UBE2L3: variants seen among roughly 807,000 people sequenced by gnomAD.
UBE2L3 encodes the protein ubiquitin conjugating enzyme E2 L3.
UBE2L3 carries 1 observed loss-of-function variant against 17.8 expected under a neutral mutation model. The ratio of observed to expected loss-of-function variants is 0.06; its 90% CI spans 0.02 to 0.27. UBE2L3 has a LOEUF of 0.27. UBE2L3 is among the 10% of genes least tolerant of loss of function. The probability of loss-of-function intolerance (pLI) is 1.00; values close to 1 mark genes in which losing one functional copy is unlikely to be tolerated. For missense variants in UBE2L3, 40 were observed against 192.6 expected (o/e 0.21, Z 4.69); for synonymous variants, 44 against 68.5 (o/e 0.64, Z 1.76).
chr22:21,581,724 C>T (rs1014924382), intron 1 of UBE2L3, among the ~76,000 whole-genome samples: 1 of 151,726 alleles, frequency 6.6e-6, no homozygotes, highest in Admixed American at 6.6e-5. Context: ...ATCACTTGAA[C>T]CTGGGAGGCG....
intron 1 of UBE2L3, among the ~76,000 whole-genome samples, chr22:21,575,560 G>C (rs1234902483): frequency 6.9e-6 from 1 of 144,820 alleles, no homozygotes; most frequent in Admixed American, 6.9e-5. Context: ...CTGCGCTCCA[G>C]CCTGGGTGAT....
At chr22:21,583,836 A>G (rs1374507847) in intron 1 of UBE2L3, among the ~76,000 whole-genome samples, 2 of 152,180 alleles carry the variant, frequency 1.3e-5, no homozygotes, top group African/African-American at 2.4e-5. Context: ...CTTTACTCAT[A>G]TAGAAGGTTG....
At chr22:21,564,187 C>T (rs550415634), upstream of UBE2L3, among the ~76,000 whole-genome samples, 3 of 152,146 alleles carry the variant, frequency 2.0e-5, no homozygotes, top group Admixed American at 1.3e-4. Context: ...TTGGCCATCA[C>T]ACCTGGCTAA....
chr22:21,623,238 G>A lies in UBE2L3; in HGVS notation c.*1569G>A, dbSNP rs1314525557. Reference sequence around the variant, plus strand: ...GCTTGGTCTGGTCTGTGCAGAAGTGGGGAGTGATGGGCAGGTTCGGCAGCC... The same window carrying A: ...GCTTGGTCTGGTCTGTGCAGAAGTGAGGAGTGATGGGCAGGTTCGGCAGCC... On this transcript the variant is annotated 3_prime_UTR_variant, in exon 4 of 4. Coordinates refer to ENST00000342192, the MANE Select transcript of UBE2L3 (RefSeq NM_003347.4). The A allele has an allele frequency of 6.6e-6, 1 of 152,414 alleles. No homozygotes were observed. Among genetic ancestry groups the A allele is most frequent in the Non-Finnish European group, 1.5e-5 (1 of 68,066 alleles). The allele number at this position is 152,414 out of a possible 1,614,324, so 9.4% of individuals were successfully genotyped here.
chr22:21,563,290 G>T (rs1372164721), upstream of UBE2L3, among the ~76,000 whole-genome samples: 1 of 145,094 alleles, frequency 6.9e-6, no homozygotes, highest in African/African-American at 2.6e-5. Flanking sequence ...GGTGGCTCAC[G>T]CCTATAATCC....
intron 2 of UBE2L3, among the ~76,000 whole-genome samples, chr22:21,597,284 G>A (rs112460317): frequency 2.0e-5 from 3 of 152,134 alleles, no homozygotes; most frequent in African/African-American, 2.4e-5. Context: ...CTGGCCTGAT[G>A]CACTAAAGTT....
intron 2 of UBE2L3, among the ~76,000 whole-genome samples, chr22:21,596,980 T>G (rs764031555): frequency 6.4e-4 from 97 of 152,216 alleles, no homozygotes; most frequent in Non-Finnish European, 9.9e-4. Flanking sequence ...GTGTTTTTTG[T>G]TTTTTTGTTT....
intron 1 of UBE2L3, among the ~76,000 whole-genome samples, chr22:21,585,817 C>A (rs1412103284): frequency 6.6e-6 from 1 of 152,136 alleles, no homozygotes; most frequent in Non-Finnish European, 1.5e-5. Flanking sequence ...TGGGTTGCAC[C>A]AAGAGCTTTA....
At chr22:21,583,935 A>C (rs5749485) in intron 1 of UBE2L3, among the ~76,000 whole-genome samples, 46,843 of 151,818 alleles carry the variant, frequency 0.31, 8,325 homozygotes, top group East Asian at 0.51. Flanking sequence ...AGTTCAATGG[A>C]GCGATCTTGG....
At chr22:21,558,812 T>C (rs1351907641) in intron 1 of UBE2L3, among the ~76,000 whole-genome samples, 26 of 152,200 alleles carry the variant, frequency 1.7e-4, no homozygotes, top group Non-Finnish European at 1.5e-4. Flanking sequence ...TTTTTGTTTC[T>C]ATGTGTTTTC....
intron 2 of UBE2L3, among the ~76,000 whole-genome samples, chr22:21,602,474 G>T (rs1928918187): frequency 6.6e-6 from 1 of 152,242 alleles, no homozygotes; most frequent in African/African-American, 2.4e-5. Flanking sequence ...ATGAAACGGT[G>T]ACTTCTGTGG....
At chr22:21,551,967 A>G (rs1926082289) in intron 1 of UBE2L3, among the ~76,000 whole-genome samples, 1 of 122,154 alleles carries the variant, frequency 8.2e-6, no homozygotes, top group African/African-American at 3.5e-5. Context: ...GAAGAAACAT[A>G]CATACACACA....
intron 1 of UBE2L3, among the ~76,000 whole-genome samples, chr22:21,582,539 T>A (rs191844957): frequency 2.6e-5 from 4 of 151,630 alleles, no homozygotes; most frequent in African/African-American, 9.7e-5. Context: ...GTTTTTTGTT[T>A]TTTGAGCCGG....
At chr22:21,588,463 CTTTTTT>C (rs1255043408) in intron 1 of UBE2L3, among the ~76,000 whole-genome samples, 113 of 103,318 alleles carry the variant, frequency 1.1e-3, no homozygotes, top group African/African-American at 4.2e-3. Flanking sequence ...TTTCTTCTTT[CTTTTTT>C]TTTTTTTTTT....
At chr22:21,582,475 T>G (rs536108879) in intron 1 of UBE2L3, among the ~76,000 whole-genome samples, 97 of 150,952 alleles carry the variant, frequency 6.4e-4, no homozygotes, top group African/African-American at 2.3e-3. Flanking sequence ...TACCTCAGCC[T>G]CCCAAGTAGC....
upstream of UBE2L3, among the ~76,000 whole-genome samples, chr22:21,563,578 AC>A (rs1474018675): frequency 7.6e-6 from 1 of 131,756 alleles, no homozygotes. Flanking sequence ...AAAAATTAAT[AC>A]TTTTTTTTTT....
chr22:21,600,319 AC>A (rs1928786333), intron 2 of UBE2L3, among the ~76,000 whole-genome samples: 4 of 152,294 alleles, frequency 2.6e-5, no homozygotes, highest in African/African-American at 9.6e-5. Context: ...ATCTAAAAAA[AC>A]AAAACAAAAC....
intron 1 of UBE2L3, among the ~76,000 whole-genome samples, chr22:21,560,453 T>C (rs1202011037): frequency 1.4e-5 from 2 of 147,882 alleles, no homozygotes; most frequent in African/African-American, 5.0e-5. Context: ...TCTATTTTTT[T>C]TTTTTTTTTT....
chr22:21,570,300 TATTA>T (rs140495), intron 1 of UBE2L3, among the ~76,000 whole-genome samples: 33,148 of 151,856 alleles, frequency 0.22, 4,354 homozygotes, highest in East Asian at 0.51. Context: ...GTTTTAAAAT[TATTA>T]CTCTGTTTCT....
Sources: gnomAD v4.1 joint callset for allele counts (sites outside exome capture counted in the v4.1 genomes callset) on GRCh38, gnomAD v4.1.1 for gene constraint, MANE v1.5 for transcripts, NCBI Gene and HGNC (gene_info 2026-07-23, HGNC 2026-07-21) for gene names.